Variants in FBLN1 observed in about 807,000 individuals in gnomAD.
FBLN1 encodes the protein fibulin 1, also known as fibulin-1.
A neutral mutation model predicts 89.7 loss-of-function variants in FBLN1; 34 were observed. The observed-to-expected ratio is 0.38, with a 90% CI of 0.29 to 0.50. FBLN1 has a LOEUF of 0.50. FBLN1 is among the 20% of genes least tolerant of loss of function. The pLI is 0.92. For missense variants in FBLN1, 777 were observed against 988.1 expected (o/e 0.79, Z 2.86); for synonymous variants, 393 against 391.3 (o/e 1.00, Z -0.05).
At chr22:45,593,012 G>A (rs1007633568) in intron 16 of FBLN1, among the ~76,000 whole-genome samples, 1 of 152,138 alleles carries the variant, frequency 6.6e-6, no homozygotes, top group African/African-American at 2.4e-5. Context: ...CCTCACGTTG[G>A]AGGCTGCACT....
chr22:45,539,872 C>A (rs577179606), intron 8 of FBLN1, among the ~76,000 whole-genome samples: 4 of 152,334 alleles, frequency 2.6e-5, no homozygotes, highest in South Asian at 2.1e-4. Context: ...GAGTGAGGAA[C>A]CTGCAGCGCC....
intron 14 of FBLN1, among the ~76,000 whole-genome samples, chr22:45,560,709 A>G (rs984516765): frequency 1.3e-5 from 2 of 152,184 alleles, no homozygotes; most frequent in African/African-American, 4.8e-5. Flanking sequence ...CCCGTTCTCC[A>G]GATTAGTTTC....
chr22:45,531,316 G>T lies in FBLN1; in HGVS notation c.536G>T (p.Arg179Leu). The change falls in exon 5 of 17, where the codon CGC (arginine) becomes CTC (leucine). Residue 179 changes from arginine to leucine, a missense_variant. Arg to Leu is a moderately radical substitution (Grantham distance 102, BLOSUM62 -2). Transcript: ENST00000327858. This position sits in a 1 kb window ranked among gnomAD's most constrained non-coding sequence, Gnocchi z 4.9. ...CAAGAGGACCCATATCTGAATGACC[G>T]CTGCCGAGGTGAGACTCGGGCGTCT... Reference protein sequence around the residue: ...EEQEDPYLNDRCRGGGPCKQQ... With the variant: ...EEQEDPYLNDLCRGGGPCKQQ... The T allele has an allele frequency of 6.2e-7, 1 of 1,613,698 alleles. No individual in the cohort carries two copies.
chr22:45,505,281 C>T (rs1250703031), intron 1 of FBLN1, among the ~76,000 whole-genome samples: 11 of 152,198 alleles, frequency 7.2e-5, no homozygotes, highest in Admixed American at 1.3e-4. Context: ...GCAGCGTTTC[C>T]GACTGATTAA....
In FBLN1 at chr22:45,573,691, A is replaced by AACAAC. The variant is rs1172092485; in HGVS notation, c.1698-819_1698-818insCAACA. Among the ~76,000 whole-genome samples the AACAAC allele has an allele frequency of 4.9e-4, 73 of 149,654 alleles. 1 individual carries two copies. The highest frequency in any genetic ancestry group is 1.6e-3 in the African/African-American group (67 of 40,812). ...GCGAGACTCTGTCTCAAAAAAAAAAAAAAAAAAAAACCCAAGTAGAGCACT... is the reference window on the plus strand; with the variant it reads ...GCGAGACTCTGTCTCAAAAAAAAAAAACAACAAAAAAAAAACCCAAGTAGAGCACT... On this transcript the variant is annotated intron_variant, in intron 14 of 16. Coordinates refer to ENST00000327858, the MANE Select transcript of FBLN1 (RefSeq NM_006486.3).
At chr22:45,547,728 C>A (rs1169068216) in intron 12 of FBLN1, among the ~76,000 whole-genome samples, 1 of 152,010 alleles carries the variant, frequency 6.6e-6, no homozygotes, top group Non-Finnish European at 1.5e-5. Flanking sequence ...ATACTTTTCC[C>A]ATCCTTAAGC....
chr22:45,551,348 C>T (rs1003384215), intron 14 of FBLN1, among the ~76,000 whole-genome samples: 8 of 152,346 alleles, frequency 5.3e-5, no homozygotes, highest in Middle Eastern at 3.4e-3. Flanking sequence ...TCTGAGTGCA[C>T]GATGCAGGCA....
At chr22:45,541,950 C>G (rs999385702) in intron 9 of FBLN1, among the ~76,000 whole-genome samples, 1 of 152,212 alleles carries the variant, frequency 6.6e-6, no homozygotes, top group African/African-American at 2.4e-5. Context: ...CATTGCTGGC[C>G]TGCCAGCCAG....
Position 45,537,878 on chromosome 22 carries a change from A to G in FBLN1, c.922+2541A>G, listed in dbSNP as rs1022650133. On this transcript the variant is annotated intron_variant, in intron 8 of 16. Coordinates refer to ENST00000327858, the MANE Select transcript of FBLN1 (RefSeq NM_006486.3). This position sits in a 1 kb window ranked among gnomAD's most constrained non-coding sequence, Gnocchi z 5.7. ...GCTCTCCGGGACCAGCGGGGAGGATAGTCCTGCTCAGACTTGCAGCCTGCT... is the reference window on the plus strand; with the variant it reads ...GCTCTCCGGGACCAGCGGGGAGGATGGTCCTGCTCAGACTTGCAGCCTGCT... Among the ~76,000 whole-genome samples, 10 of 152,324 alleles carry G rather than the reference A, an allele frequency of 6.6e-5. No individual in the cohort carries two copies. The South Asian group carries it at 2.1e-3, about 32-fold the overall frequency.
chr22:45,510,862 G>A (rs754953064), intron 1 of FBLN1, among the ~76,000 whole-genome samples: 3 of 152,138 alleles, frequency 2.0e-5, no homozygotes, highest in African/African-American at 7.2e-5. Flanking sequence ...TTTAGCAGCT[G>A]TCCCAGGCAA....
At chr22:45,520,051 TC>T (rs2088228500) in intron 2 of FBLN1, among the ~76,000 whole-genome samples, 1 of 152,034 alleles carries the variant, frequency 6.6e-6, no homozygotes, top group South Asian at 2.1e-4. Flanking sequence ...GCGTCTGTAA[TC>T]CCAGCTACTC....
rs111659206 is a variant in FBLN1, at chr22:45,549,918, C to T, written c.1574-574C>T. Among the ~76,000 whole-genome samples the T allele has an allele frequency of 4.5e-3, 682 of 152,294 alleles. 6 individuals carry two copies. Among genetic ancestry groups the T allele is most frequent in the African/African-American group, 0.013 (536 of 41,558 alleles). On this transcript the variant is annotated intron_variant, in intron 13 of 16. Coordinates refer to ENST00000327858, the MANE Select transcript of FBLN1 (RefSeq NM_006486.3). This position sits in a 1 kb window ranked among gnomAD's most constrained non-coding sequence, Gnocchi z 5.7. The stretch of plus-strand genomic sequence containing the variant: ...CACACAGGCAAGACGTATGATCCCT[C>T]GAAGGCTGTTTTTCTCATTGTTGTG...
intron 2 of FBLN1, among the ~76,000 whole-genome samples, chr22:45,523,703 C>CAAAA (rs1290786482): frequency 1.3e-5 from 2 of 152,148 alleles, no homozygotes; most frequent in Non-Finnish European, 2.9e-5. Context: ...GACTCCATCT[C>CAAAA]AAAAACAAAA....
At chr22:45,568,226 C>A (rs2088914689) in intron 14 of FBLN1, among the ~76,000 whole-genome samples, 1 of 152,222 alleles carries the variant, frequency 6.6e-6, no homozygotes. Context: ...GGATGATCAA[C>A]CCAAAAGCAT....
rs887235353 is a variant in FBLN1, at chr22:45,549,672, T to C, written c.1574-820T>C. Among the ~76,000 whole-genome samples the C allele has an allele frequency of 6.6e-6, 1 of 151,004 alleles. No individual in the cohort carries two copies. The highest frequency in any genetic ancestry group is 2.4e-5 in the African/African-American group (1 of 40,992). ...GAGCCGGGCCTTTGAGGCTGGGGAG[T>C]GTTGTTTTTGCCACCGATGCTCAGG... On this transcript the variant is annotated intron_variant, in intron 13 of 16. Coordinates refer to ENST00000327858, the MANE Select transcript of FBLN1 (RefSeq NM_006486.3). The surrounding 1 kb of genome is among the most constrained non-coding windows in gnomAD (Gnocchi z 5.7).
chr22:45,555,180 C>G (rs1263287994), intron 14 of FBLN1, among the ~76,000 whole-genome samples: 1 of 151,414 alleles, frequency 6.6e-6, no homozygotes, highest in African/African-American at 2.4e-5. Context: ...GGACCCGTCT[C>G]TGTCTCCACC....
At chr22:45,544,309 A>G (rs2088598181) in intron 11 of FBLN1, among the ~76,000 whole-genome samples, 1 of 151,186 alleles carries the variant, frequency 6.6e-6, no homozygotes, top group Non-Finnish European at 1.5e-5. Context: ...CTGGTCTTGA[A>G]CTCCTGACCT....
chr22:45,596,079 C>T (rs1333440736), intron 16 of FBLN1, among the ~76,000 whole-genome samples: 1 of 152,180 alleles, frequency 6.6e-6, no homozygotes, highest in Non-Finnish European at 1.5e-5. Flanking sequence ...CCGTGTTAGC[C>T]AGGATGGTCT....
intron 14 of FBLN1, among the ~76,000 whole-genome samples, chr22:45,569,759 A>G (rs567599757): frequency 4.6e-5 from 7 of 152,338 alleles, no homozygotes; most frequent in Non-Finnish European, 1.0e-4. Flanking sequence ...TACAAGCCAA[A>G]GAGAGAGGCC....
Sources: allele counts gnomAD v4.1 joint callset (sites outside exome capture counted in the v4.1 genomes callset), GRCh38; gene constraint gnomAD v4.1.1; non-coding constraint Gnocchi (gnomAD v3.1); transcripts MANE v1.5; gene names NCBI Gene and HGNC (gene_info 2026-07-23, HGNC 2026-07-21).